Variants in PPP6R2 observed in about 807,000 individuals in gnomAD.
The protein encoded by PPP6R2 is protein phosphatase 6 regulatory subunit 2, also known as serine/threonine-protein phosphatase 6 regulatory subunit 2.
PPP6R2 carries 62 observed loss-of-function variants against 100.2 expected under a neutral mutation model. The ratio of observed to expected loss-of-function variants is 0.62; its 90% confidence interval spans 0.50 to 0.76. The LOEUF (loss-of-function observed/expected upper bound fraction) is 0.76. Among genes scored for constraint, PPP6R2 ranks in the 30% least tolerant of loss-of-function variants. The pLI, the probability that PPP6R2 is intolerant of heterozygous loss-of-function variation, is 0.00. For missense variants in PPP6R2, 1,142 were observed against 1,276.3 expected (o/e 0.89, Z 1.60); for synonymous variants, 525 against 514.7 (o/e 1.02, Z -0.27).
At chr22:50,436,493 G>A (rs1199956278) in intron 14 of PPP6R2, 41 bp downstream of exon 14, 15 of 1,544,590 alleles carry the variant, frequency 9.7e-6, no homozygotes, top group Middle Eastern at 3.8e-4. Flanking sequence ...CACGCACGGT[G>A]CTGGGACGCC....
chr22:50,339,007 GGTGTGTGGTGTGTGTGTGTGGTGTGT>G (rs565222147), upstream of PPP6R2, among the ~76,000 whole-genome samples: 4 of 130,286 alleles, frequency 3.1e-5, no homozygotes, highest in Admixed American at 7.5e-5. Flanking sequence ...TGTGGTATGT[GGTGTGTGGTGTGTGTGTGTGGTGTGT>G]GTGTGTGGTA....
In PPP6R2 at chr22:50,438,743, T is replaced by A. The variant is rs751949224; in HGVS notation, c.2109T>A (p.Pro703=). The A allele has an allele frequency of 4.4e-6, 7 of 1,599,882 alleles. No homozygotes were observed. The South Asian group carries it at 7.8e-5, about 18-fold the overall frequency. ...CCCCCGGGAAGAAGGAAGCGCCCCC[T>A]GTGGAGGGTGACTCAGAAGGTGGTG... ...PPAPGKKEAP[P]VEGDSEGAMW... is the part of the protein sequence containing the mutation. Residue 703 remains proline, a synonymous_variant, in exon 19 of 24, where the codon CCT becomes CCA. Coordinates refer to ENST00000612753, the MANE Select transcript of PPP6R2 (RefSeq NM_001242898.2).
At position 50,439,705 on chromosome 22, in the gene PPP6R2, C is replaced by T. The variant is rs193177975; in HGVS notation, c.2133C>T (p.Ala711=). 344 of 1,592,208 alleles carry T rather than the reference C, an allele frequency of 2.2e-4. 3 individuals carry two copies. In the East Asian group the frequency reaches 5.6e-3, roughly 26 times the overall value. The part of the protein sequence containing the change: ...APPVEGDSEG[A]MWTAVFDEPA... Reference sequence around the variant, plus strand: ...ACTGTGTCTCTCCCCCAGCAGGCGCCATGTGGACGGCAGTGTTTGATGAGC... The same window carrying T: ...ACTGTGTCTCTCCCCCAGCAGGCGCTATGTGGACGGCAGTGTTTGATGAGC... The change falls in exon 20 of 24, where the codon GCC becomes GCT. Residue 711 remains alanine (A), a synonymous_variant. Coordinates refer to ENST00000612753, the MANE Select transcript of PPP6R2 (RefSeq NM_001242898.2).
chr22:50,438,367 G>A lies in PPP6R2; in HGVS notation c.1964+69G>A, dbSNP rs528554938. 189 of 1,557,974 alleles carry A rather than the reference G, an allele frequency of 1.2e-4. No homozygotes were observed. The African/African-American group carries it at 1.8e-3, about 15-fold the overall frequency. ...TCAGCCCCCAGAACACCTGTCAGAC[G>A]CCCTGTGGTTCGTTAGCTGGCTTGC... is the stretch of plus-strand genomic sequence containing the variant. On this transcript the variant is annotated intron_variant, in intron 18 of 23. Transcript: ENST00000612753.
In PPP6R2 at chr22:50,358,113, AT is replaced by A. The variant is rs199836397; in HGVS notation, c.-147-13904del. ...AGGCACAAGCCACCACACCTGGATA[AT>A]TTAAAAAAAAAAAAATTCTTGGTAG... is the stretch of plus-strand genomic sequence containing the variant. On this transcript the variant is annotated intron_variant, in intron 1 of 23. Transcript: ENST00000612753. 2.6e-4 allele frequency among the ~76,000 whole-genome samples: 39 copies of A among 150,484 alleles called. 1 individual carries two copies. Among genetic ancestry groups the A allele is most frequent in the Middle Eastern group, 3.5e-3 (1 of 286 alleles).
At chr22:50,425,746 T>G (rs2062012066) in intron 10 of PPP6R2, among the ~76,000 whole-genome samples, 1 of 151,560 alleles carries the variant, frequency 6.6e-6, no homozygotes, top group Admixed American at 6.8e-5. Flanking sequence ...CGTCATCTGA[T>G]GTGCGTGTGG....
chr22:50,369,337 A>T (rs1007620401), intron 1 of PPP6R2, among the ~76,000 whole-genome samples: 5 of 152,118 alleles, frequency 3.3e-5, no homozygotes, highest in African/African-American at 1.2e-4. Context: ...GCTTAATTTT[A>T]ATCATGAAGT....
intron 1 of PPP6R2, among the ~76,000 whole-genome samples, chr22:50,357,536 C>A (rs911167649): frequency 2.0e-5 from 3 of 151,894 alleles, no homozygotes; most frequent in Non-Finnish European, 4.4e-5. Flanking sequence ...CTCTGTCACC[C>A]AGGCTGGAGT....
At position 50,350,673 on chromosome 22, in the gene PPP6R2, G is replaced by A. The variant is rs368987168; in HGVS notation, c.-148+7123G>A. Reference sequence around the variant, plus strand: ...ATCCTGGCTAACACGGTGAAACCCCGTCTCTACTAAAAATTCAAAAAATTA... The same window carrying A: ...ATCCTGGCTAACACGGTGAAACCCCATCTCTACTAAAAATTCAAAAAATTA... On this transcript the variant is annotated intron_variant, in intron 1 of 23. Transcript: ENST00000612753. Among the ~76,000 whole-genome samples, 31 of 151,172 alleles carry A rather than the reference G, an allele frequency of 2.1e-4. 1 individual carries two copies. In the East Asian group the frequency reaches 2.2e-3, roughly 11 times the overall value.
In PPP6R2 at chr22:50,437,885, C is replaced by T. The variant is rs373842745; in HGVS notation, c.1824C>T (p.Asp608=). 5.5e-5 allele frequency: 86 copies of T among 1,555,402 alleles called. 1 individual carries two copies. The highest frequency in any genetic ancestry group is 1.4e-4 in the South Asian group (12 of 84,772). ...DRIAEINFNI[D]ADEDSPSAAL... ...TCGCAGAGATCAACTTCAACATCGA[C>T]GCTGACGAGGACAGTGTGAGCAAGC... The change falls in exon 17 of 24, where the codon GAC becomes GAT. Residue 608 remains aspartate (D), a synonymous_variant. Transcript: ENST00000612753.
At position 50,423,737 on chromosome 22, in the gene PPP6R2, CAGTCCCA is replaced by C; in HGVS notation, c.1125+133_1125+139del. The C allele has an allele frequency of 1.6e-6, 2 of 1,261,738 alleles. No homozygotes were observed. Among genetic ancestry groups the C allele is most frequent in the South Asian group, 2.8e-5 (2 of 70,726 alleles). 78.2% of individuals were successfully genotyped at this position (1,261,738 alleles called of 1,614,324 possible). A position where few individuals can be genotyped will look rare whatever the true frequency, so the allele number is the denominator to read the frequency against. ...ACAAAGCTCTGCCACGGGGAGGTTCCAGTCCCAAGTCCCAAGGCTGGACTACAGGTCT... is the reference window on the plus strand; with the variant it reads ...ACAAAGCTCTGCCACGGGGAGGTTCCAGTCCCAAGGCTGGACTACAGGTCT... On this transcript the variant is annotated intron_variant, in intron 10 of 23. Coordinates refer to ENST00000612753, the MANE Select transcript of PPP6R2 (RefSeq NM_001242898.2). The surrounding 1 kb of genome is among the most constrained non-coding windows in gnomAD (Gnocchi z 4.8).
At chr22:50,391,705 T>G (rs2055597990) in intron 2 of PPP6R2, among the ~76,000 whole-genome samples, 3 of 151,862 alleles carry the variant, frequency 2.0e-5, no homozygotes, top group African/African-American at 7.2e-5. Flanking sequence ...TCTTGCTGTT[T>G]TTTTTTTTTA....
At chr22:50,406,104 G>A (rs2058889585) in intron 3 of PPP6R2, among the ~76,000 whole-genome samples, 1 of 144,940 alleles carries the variant, frequency 6.9e-6, no homozygotes, top group Non-Finnish European at 1.5e-5. Flanking sequence ...CCTGGAGGGA[G>A]GTGAGAGACC....
chr22:50,422,326 C>T lies in PPP6R2; in HGVS notation c.918C>T (p.His306=), dbSNP rs565668563. 3.2e-5 allele frequency: 52 copies of T among 1,614,104 alleles called. No homozygotes were observed. Among genetic ancestry groups the T allele is most frequent in the South Asian group, 3.0e-4 (27 of 91,072 alleles). Residue 306 remains histidine, a synonymous_variant, in exon 9 of 24, where the codon CAC becomes CAT. Coordinates refer to ENST00000612753, the MANE Select transcript of PPP6R2 (RefSeq NM_001242898.2). ...ACGCTGTCAGCAGCAGCGTACTACA[C>T]GGCATCGAGCCTCGGCTGAAGGACT... ...RSYAVSSSVL[H]GIEPRLKDFH...
chr22:50,335,728 A>C, the PPP6R2 span, among the ~76,000 whole-genome samples: 1 of 132,306 alleles, frequency 7.6e-6, no homozygotes, highest in African/African-American at 3.2e-5. Context: ...CAGGCTTGAG[A>C]GCAGTGGCGC....
rs74858376 is a variant in PPP6R2 at position 50,421,121 on chromosome 22, A to G, written c.846-1133A>G. On this transcript the variant is annotated intron_variant, in intron 8 of 23. Transcript: ENST00000612753. ...CTCTCTCTCTCTGTCTGTCTCTGGT[A>G]GTACCTAATACATATTTGTTAGTTT... Among the ~76,000 whole-genome samples, 7 of 152,230 alleles carry G rather than the reference A, an allele frequency of 4.6e-5. No individual in the cohort carries two copies. In the East Asian group the frequency reaches 1.3e-3, roughly 29 times the overall value.
intron 2 of PPP6R2, among the ~76,000 whole-genome samples, chr22:50,390,272 G>A (rs1311510118): frequency 2.6e-5 from 4 of 151,962 alleles, no homozygotes; most frequent in Middle Eastern, 3.4e-3. Flanking sequence ...GATTACAGGC[G>A]GGAGCCACCG....
chr22:50,380,680 G>A (rs1423733578), intron 2 of PPP6R2, among the ~76,000 whole-genome samples: 2 of 149,608 alleles, frequency 1.3e-5, no homozygotes, highest in East Asian at 4.2e-4. Context: ...TCAACAACCA[G>A]TTCTCTTGGG....
chr22:50,427,702 G>A (rs755679363), intron 10 of PPP6R2, among the ~76,000 whole-genome samples: 1 of 150,412 alleles, frequency 6.6e-6, no homozygotes, highest in African/African-American at 2.4e-5. Context: ...ACAGGTGCCC[G>A]CCACCACAAA....
Sources: allele counts gnomAD v4.1 joint callset (sites outside exome capture counted in the v4.1 genomes callset), GRCh38; gene constraint gnomAD v4.1.1; non-coding constraint Gnocchi (gnomAD v3.1); transcripts MANE v1.5; gene names NCBI Gene and HGNC (gene_info 2026-07-23, HGNC 2026-07-21).